Variants in LIMCH1 observed in about 807,000 individuals in gnomAD.
LIMCH1 encodes LIM and calponin homology domains-containing protein 1.
In LIMCH1, 113 loss-of-function variants were observed where a neutral mutation model predicts 176.5. That is an observed-to-expected ratio of 0.64 (90% CI 0.55 to 0.75). The LOEUF is 0.75. LIMCH1 is among the 30% of genes least tolerant of loss of function. The pLI, the probability that LIMCH1 is intolerant of heterozygous loss-of-function variation, is 0.00. For synonymous variants in LIMCH1, 619 were observed against 645.9 expected (o/e 0.96, Z 0.63); for missense variants, 1,674 against 1,814.9 (o/e 0.92, Z 1.41).
intron 1 of LIMCH1, among the ~76,000 whole-genome samples, chr4:41,439,886 A>C (rs7667686): frequency 0.13 from 19,943 of 152,232 alleles, 1,514 homozygotes; most frequent in Admixed American, 0.21. Context: ...CCTGGGCGAC[A>C]GGGCAAAACT....
rs141018823 is a variant in LIMCH1, at chr4:41,671,397, AACACACAC to A, written c.3398-121_3398-114del. On this transcript the variant is annotated intron_variant, in intron 21 of 31. Coordinates refer to ENST00000503057, the MANE Select transcript of LIMCH1 (RefSeq NM_001330672.2). Reference sequence around the variant, plus strand: ...ATTTTCTAATGTTCTTGACTTACCAAACACACACACACACACACACACACACACACACA... The same window carrying A: ...ATTTTCTAATGTTCTTGACTTACCAAACACACACACACACACACACACACA... 1.1e-3 allele frequency among the ~76,000 whole-genome samples: 148 copies of A among 137,580 alleles called. 1 individual carries two copies. Among genetic ancestry groups the A allele is most frequent in the African/African-American group, 3.2e-3 (120 of 37,620 alleles). The allele number at this position is 137,580 out of a possible 152,430, so 90.3% of individuals were successfully genotyped here.
intron 1 of LIMCH1, among the ~76,000 whole-genome samples, chr4:41,410,197 T>A (rs1232598371): frequency 6.6e-6 from 1 of 152,220 alleles, no homozygotes; most frequent in African/African-American, 2.4e-5. Context: ...ATTTTCATCG[T>A]ACTGCCTTCC....
At chr4:41,556,547 T>C (rs980764144) in intron 1 of LIMCH1, among the ~76,000 whole-genome samples, 11 of 152,154 alleles carry the variant, frequency 7.2e-5, no homozygotes, top group African/African-American at 2.7e-4. Flanking sequence ...GCCCAGACAC[T>C]GGGCAGTTTA....
At chr4:41,449,296 T>C (rs1440814248) in intron 1 of LIMCH1, among the ~76,000 whole-genome samples, 1 of 152,206 alleles carries the variant, frequency 6.6e-6, no homozygotes, top group East Asian at 1.9e-4. Flanking sequence ...ATGTTCTCCC[T>C]GTCCCCGTCT....
chr4:41,487,593 T>G (rs1175650325), intron 1 of LIMCH1, among the ~76,000 whole-genome samples: 1 of 152,098 alleles, frequency 6.6e-6, no homozygotes, highest in Non-Finnish European at 1.5e-5. Context: ...CATACTAAGA[T>G]AATTTTAAGT....
chr4:41,604,745 T>C (rs943239866), intron 3 of LIMCH1, among the ~76,000 whole-genome samples: 5 of 152,164 alleles, frequency 3.3e-5, no homozygotes, highest in Non-Finnish European at 5.9e-5. Flanking sequence ...GTCCTGACGT[T>C]TGAATCTCTG....
intron 1 of LIMCH1, among the ~76,000 whole-genome samples, chr4:41,478,962 C>T (rs1192782539): frequency 6.6e-6 from 1 of 152,096 alleles, no homozygotes; most frequent in Non-Finnish European, 1.5e-5. Flanking sequence ...CTACTTTCAG[C>T]CCTAGCCCCC....
intron 1 of LIMCH1, among the ~76,000 whole-genome samples, chr4:41,414,490 G>A (rs994159249): frequency 7.9e-5 from 12 of 152,178 alleles, no homozygotes; most frequent in African/African-American, 4.8e-5. Context: ...GTTTAGACAC[G>A]CTAGACTAAT....
chr4:41,508,776 GT>G (rs1446736511), intron 2 of LIMCH1, among the ~76,000 whole-genome samples: 2 of 152,162 alleles, frequency 1.3e-5, no homozygotes, highest in African/African-American at 4.8e-5. Flanking sequence ...TGTATTGTAT[GT>G]CCCCAGTAGA....
intron 2 of LIMCH1, among the ~76,000 whole-genome samples, chr4:41,499,510 A>G (rs1385212321): frequency 6.6e-6 from 1 of 152,206 alleles, no homozygotes; most frequent in Non-Finnish European, 1.5e-5. Flanking sequence ...AATATCCTTT[A>G]TACTGATTTT....
At chr4:41,438,911 A>G (rs940324149) in intron 1 of LIMCH1, among the ~76,000 whole-genome samples, 4 of 152,176 alleles carry the variant, frequency 2.6e-5, no homozygotes, top group African/African-American at 7.2e-5. Flanking sequence ...TGGATTATCA[A>G]TCCTGTAATG....
intron 1 of LIMCH1, among the ~76,000 whole-genome samples, chr4:41,480,635 A>G (rs931657407): frequency 1.3e-5 from 2 of 152,112 alleles, no homozygotes; most frequent in African/African-American, 4.8e-5. Flanking sequence ...ATGTTTATTC[A>G]AGCAGCAACA....
chr4:41,608,777 AAG>A (rs1243097872), intron 4 of LIMCH1, among the ~76,000 whole-genome samples: 1 of 152,186 alleles, frequency 6.6e-6, no homozygotes, highest in African/African-American at 2.4e-5. Flanking sequence ...CAGCTGAACA[AAG>A]AGGATTTACT....
At chr4:41,431,062 CTG>C (rs1199974466) in intron 1 of LIMCH1, among the ~76,000 whole-genome samples, 1 of 152,230 alleles carries the variant, frequency 6.6e-6, no homozygotes, top group Admixed American at 6.5e-5. Flanking sequence ...AATGTTCAGA[CTG>C]TTATTTCTCC....
At chr4:41,373,303 G>A (rs1581165640) in intron 1 of LIMCH1, among the ~76,000 whole-genome samples, 1 of 152,190 alleles carries the variant, frequency 6.6e-6, no homozygotes, top group Non-Finnish European at 1.5e-5. Flanking sequence ...CTTAATGGAA[G>A]AGCTGAAGAA....
At chr4:41,690,878 T>C (rs989741426) in intron 30 of LIMCH1, among the ~76,000 whole-genome samples, 6 of 152,148 alleles carry the variant, frequency 3.9e-5, no homozygotes, top group African/African-American at 1.4e-4. Context: ...CAAGCAAAAA[T>C]ATTCTCGTTG....
At chr4:41,401,024 T>C (rs2058378908) in intron 1 of LIMCH1, among the ~76,000 whole-genome samples, 1 of 152,202 alleles carries the variant, frequency 6.6e-6, no homozygotes, top group African/African-American at 2.4e-5. Flanking sequence ...GTGCAGAAGC[T>C]CTTTAGTTTA....
At chr4:41,469,742 C>T (rs548245128) in intron 1 of LIMCH1, among the ~76,000 whole-genome samples, 3 of 151,922 alleles carry the variant, frequency 2.0e-5, no homozygotes, top group African/African-American at 7.2e-5. Context: ...ACTGCAGTGG[C>T]ACAATCTCGG....
intron 1 of LIMCH1, among the ~76,000 whole-genome samples, chr4:41,487,001 C>CACACAT (rs747440805): frequency 2.6e-4 from 38 of 148,520 alleles, no homozygotes; most frequent in Non-Finnish European, 5.0e-4. Context: ...CACACACACA[C>CACACAT]ATATATATAT....
Sources: gnomAD v4.1 joint callset for allele counts (sites outside exome capture counted in the v4.1 genomes callset) on GRCh38, gnomAD v4.1.1 for gene constraint, MANE v1.5 for transcripts, NCBI Gene and HGNC (gene_info 2026-07-23, HGNC 2026-07-21) for gene names.